The following PCSK5 variants were observed in gnomAD, a reference collection of about 807,000 sequenced individuals.
PCSK5 encodes prohormone convertase 5.
Under a neutral mutation model 233.2 loss-of-function variants are expected in PCSK5, and 129 were observed. That is an observed-to-expected ratio of 0.55 (90% CI 0.48 to 0.64). The LOEUF (loss-of-function observed/expected upper bound fraction) is 0.64. PCSK5 is among the 30% of genes least tolerant of loss of function. The probability of loss-of-function intolerance (pLI) is 0.00; values close to 1 mark genes in which losing one functional copy is unlikely to be tolerated. For missense variants in PCSK5, 2,076 were observed against 2,430.1 expected, an observed-to-expected ratio of 0.85 and a Z score of 3.06; for synonymous variants, 825 against 879.2, an observed-to-expected ratio of 0.94 and a Z score of 1.09.
intron 6 of PCSK5, among the ~76,000 whole-genome samples, chr9:76,068,814 T>C (rs1043694032): frequency 2.6e-5 from 4 of 152,180 alleles, no homozygotes; most frequent in Admixed American, 6.5e-5. Flanking sequence ...CTGAAGGTAT[T>C]CCCTAGGGGT....
chr9:76,274,923 G>A (rs1466903913), intron 24 of PCSK5, among the ~76,000 whole-genome samples: 2 of 152,038 alleles, frequency 1.3e-5, no homozygotes, highest in African/African-American at 4.8e-5. Context: ...GAGAAAGCAA[G>A]GGGAGGGGAG....
At chr9:75,939,295 A>G (rs1824196038) in intron 2 of PCSK5, among the ~76,000 whole-genome samples, 2 of 152,260 alleles carry the variant, frequency 1.3e-5, no homozygotes, top group Admixed American at 6.5e-5. Flanking sequence ...ACAGTTTTGC[A>G]GAAAGTGCTG....
In PCSK5 at chr9:76,321,454, G is replaced by T. The variant is rs750213179; in HGVS notation, c.3917G>T (p.Arg1306Leu). ...TATGCAGAAGACGGCATATGTGAAC[G>T]CTGTAGCTCTCCTTGCAGAACATGT... ...GSYAEDGICE[R>L]CSSPCRTCEG... Residue 1306 changes from arginine (R) to leucine (L), a missense_variant, in exon 31 of 38, where the codon CGC becomes CTC. Physicochemically the swap from Arg to Leu is moderately radical, Grantham distance 102. Around this residue, in one of 6 missense-constraint regions of PCSK5, gnomAD observed 1,510 missense variants for 1,538.1 expected, o/e 0.98. Transcript: ENST00000674117. The T allele has an allele frequency of 5.0e-6, 8 of 1,609,026 alleles. No individual in the cohort carries two copies. The highest frequency in any genetic ancestry group is 6.8e-6 in the Non-Finnish European group (8 of 1,176,524).
chr9:76,033,456 A>G (rs987529435), intron 5 of PCSK5, among the ~76,000 whole-genome samples: 3 of 152,170 alleles, frequency 2.0e-5, no homozygotes, highest in Non-Finnish European at 4.4e-5. Flanking sequence ...CTTTTGCAAA[A>G]TAACATCTAC....
intron 16 of PCSK5, among the ~76,000 whole-genome samples, chr9:76,183,612 G>T (rs1420633039): frequency 6.6e-6 from 1 of 152,228 alleles, no homozygotes; most frequent in Non-Finnish European, 1.5e-5. Context: ...AAGATTCTAT[G>T]CATGTGCAGT....
At chr9:76,246,526 A>G (rs1180609449) in intron 24 of PCSK5, among the ~76,000 whole-genome samples, 1 of 152,086 alleles carries the variant, frequency 6.6e-6, no homozygotes, top group African/African-American at 2.4e-5. Context: ...TGGCAGTATA[A>G]CACAACTCCA....
chr9:75,987,705 C>T (rs1209744719), intron 3 of PCSK5, among the ~76,000 whole-genome samples: 1 of 152,160 alleles, frequency 6.6e-6, no homozygotes, highest in Non-Finnish European at 1.5e-5. Context: ...ATCTAAGCAT[C>T]CTTAGCCCCA....
intron 12 of PCSK5, among the ~76,000 whole-genome samples, chr9:76,166,420 G>A (rs553671356): frequency 3.3e-5 from 5 of 152,266 alleles, no homozygotes; most frequent in African/African-American, 9.6e-5. Flanking sequence ...GATGTGATTT[G>A]AAAGTGATTG....
Position 75,937,879 on chromosome 9 carries a change from C to T in PCSK5, c.297+5396C>T, listed in dbSNP as rs577973655. 4.1e-4 allele frequency among the ~76,000 whole-genome samples: 63 copies of T among 152,306 alleles called. 1 individual carries two copies. The highest frequency in any genetic ancestry group is 1.4e-3 in the African/African-American group (58 of 41,570). ...ATACTTTTCTTCTGCAGCTTCCTTA[C>T]GTCTCTCAGCCTTCTTAGAATTGGA... On this transcript the variant is annotated intron_variant, in intron 2 of 37. Transcript: ENST00000674117.
intron 7 of PCSK5, 45 bp from the exon 8 acceptor site, chr9:76,095,845 A>T (rs764873363): frequency 5.1e-6 from 8 of 1,555,020 alleles, no homozygotes; most frequent in Non-Finnish European, 6.2e-6. Flanking sequence ...CTCTTCATTT[A>T]GAGTCATTTC....
intron 24 of PCSK5, among the ~76,000 whole-genome samples, chr9:76,273,095 G>A (rs1228765700): frequency 6.6e-6 from 1 of 152,062 alleles, no homozygotes. Flanking sequence ...AATCATCTCT[G>A]TAGATTCAGC....
In PCSK5 at chr9:76,070,190, C is replaced by T. The variant is rs560583576; in HGVS notation, c.722-1536C>T. Among the ~76,000 whole-genome samples the T allele has an allele frequency of 5.3e-5, 8 of 152,028 alleles. No homozygotes were observed. The South Asian group carries it at 1.0e-3, about 20-fold the overall frequency. On this transcript the variant is annotated intron_variant, in intron 6 of 37. Transcript: ENST00000674117. ...TAATTTTTTGTATTTTTAGTAGAGA[C>T]GGGGTTTCACCATGTTAGCCAGGAT...
At chr9:76,161,432 C>T (rs1260898478) in intron 12 of PCSK5, among the ~76,000 whole-genome samples, 1 of 144,760 alleles carries the variant, frequency 6.9e-6, no homozygotes, top group Non-Finnish European at 1.5e-5. Context: ...TAGGGAAGGC[C>T]TTTATTTCTT....
intron 2 of PCSK5, among the ~76,000 whole-genome samples, chr9:75,955,720 G>A (rs1005026068): frequency 7.9e-5 from 12 of 151,664 alleles, no homozygotes. Context: ...TAAATTAACT[G>A]TGTTAATTTG....
At chr9:75,937,371 G>T (rs971552699) in intron 2 of PCSK5, among the ~76,000 whole-genome samples, 4 of 151,930 alleles carry the variant, frequency 2.6e-5, no homozygotes, top group Admixed American at 6.6e-5. Context: ...TAGAGACAGG[G>T]TTTCACCATG....
chr9:76,126,832 G>A (rs1238063077), intron 9 of PCSK5, among the ~76,000 whole-genome samples: 1 of 152,084 alleles, frequency 6.6e-6, no homozygotes, highest in African/African-American at 2.4e-5. Context: ...TACCTAAGGG[G>A]TACAGCATAC....
chr9:76,193,422 C>T, intron 20 of PCSK5: 2 of 804,376 alleles, frequency 2.5e-6, no homozygotes, highest in African/African-American at 2.7e-5. Context: ...AGAAAAAAGC[C>T]AAAAAGAAAA....
chr9:75,952,926 A>G (rs1015202250), intron 2 of PCSK5, among the ~76,000 whole-genome samples: 10 of 152,170 alleles, frequency 6.6e-5, no homozygotes, highest in Non-Finnish European at 5.9e-5. Flanking sequence ...ACTTTAATCT[A>G]TTACCATATA....
At chr9:76,017,723 T>G (rs1359549348) in intron 3 of PCSK5, among the ~76,000 whole-genome samples, 2 of 152,108 alleles carry the variant, frequency 1.3e-5, no homozygotes, top group African/African-American at 4.8e-5. Context: ...GAGCATCTGT[T>G]TTGTCTGGGG....
Sources: allele counts gnomAD v4.1 joint callset (sites outside exome capture counted in the v4.1 genomes callset), GRCh38; gene constraint gnomAD v4.1.1; regional missense constraint gnomAD v4.1.1; transcripts MANE v1.5; gene names NCBI Gene and HGNC (gene_info 2026-07-23, HGNC 2026-07-21).